The following DNM3 variants were observed in gnomAD, a reference collection of about 807,000 sequenced individuals.
DNM3 encodes the protein dynamin-3.
In DNM3, 47 loss-of-function variants were observed where a neutral mutation model predicts 101.6. The observed-to-expected ratio is 0.46, with a 90% CI of 0.37 to 0.59. The LOEUF is 0.59. Among genes scored for constraint, DNM3 ranks in the 20% least tolerant of loss-of-function variants. DNM3 has a pLI of 0.00. For synonymous variants in DNM3, 385 were observed against 387.9 expected, an observed-to-expected ratio of 0.99 and a Z score of 0.09; for missense variants, 849 against 1,085.7, an observed-to-expected ratio of 0.78 and a Z score of 3.06.
intron 17 of DNM3, among the ~76,000 whole-genome samples, chr1:172,366,904 T>C (rs2068048164): frequency 6.6e-6 from 1 of 151,882 alleles, no homozygotes; most frequent in Non-Finnish European, 1.5e-5. Context: ...ATTCACAGTA[T>C]GAGAATTTCA....
intron 13 of DNM3, among the ~76,000 whole-genome samples, chr1:172,111,139 A>G (rs1448220743): frequency 6.6e-6 from 1 of 152,276 alleles, no homozygotes; most frequent in East Asian, 1.9e-4. Context: ...ATTAACAATT[A>G]GAGCAAACCA....
chr1:172,253,689 A>C lies in DNM3; in HGVS notation c.1769+7A>C, dbSNP rs1402991377. The C allele has an allele frequency of 4.6e-6, 7 of 1,534,164 alleles. No individual in the cohort carries two copies. The East Asian group carries it at 1.4e-4, about 31-fold the overall frequency. On this transcript the variant is annotated splice_region_variant and intron_variant, in intron 15 of 20. Transcript: ENST00000627582. ...TCTTTAATACAGAGCAAAGGTAAGA[A>C]ATTGAAACAGTTCCTGTCTTCAGAT...
chr1:172,234,381 T>G (rs2061455301), intron 14 of DNM3, among the ~76,000 whole-genome samples: 1 of 151,864 alleles, frequency 6.6e-6, no homozygotes, highest in South Asian at 2.1e-4. Flanking sequence ...CTCAACGAAA[T>G]AAAAGAGGAT....
At position 171,921,818 on chromosome 1, in the gene DNM3, G is replaced by A; in HGVS notation, c.232G>A (p.Ala78Thr). 5.0e-6 allele frequency: 8 copies of A among 1,599,164 alleles called. No individual in the cohort carries two copies. Among genetic ancestry groups the A allele is most frequent in the Non-Finnish European group, 6.8e-6 (8 of 1,172,030 alleles). The change falls in exon 2 of 21, where the codon GCA (alanine) becomes ACA (threonine). Residue 78 changes from alanine (A) to threonine (T), a missense_variant. Physicochemically the swap from Ala to Thr is moderately conservative, Grantham distance 58 (BLOSUM62 0). Coordinates refer to ENST00000627582, the MANE Select transcript of DNM3 (RefSeq NM_015569.5). ...TGTGCTGCAGCTTGTTACTTCTAAA[G>A]CAGGTAATGAATGAAGATGTTTACC... ...PLVLQLVTSK[A>T]EYAEFLHCKG... is the part of the protein sequence containing the mutation.
rs1454685719 is a variant in DNM3, at chr1:172,388,791, C to T, written c.2504C>T (p.Ala835Val). The part of the protein sequence containing the change: ...PPQVPSRPTR[A>V]PPSVPSRRPP... The stretch of plus-strand genomic sequence containing the variant: ...CAAGTTCCATCTAGGCCTACGAGGG[C>T]CCCGCCCAGTGTCCCAAGGTAAGGC... The change falls in exon 20 of 21, where the codon GCC (alanine) becomes GTC (valine). Residue 835 changes from alanine to valine, a missense_variant. By Grantham distance (64) the Ala-to-Val change is moderately conservative. Around this residue, in one of 5 missense-constraint regions of DNM3, gnomAD observed 256 missense variants for 311.7 expected, o/e 0.82. Coordinates refer to ENST00000627582, the MANE Select transcript of DNM3 (RefSeq NM_015569.5). 2 of 1,587,836 alleles carry T rather than the reference C, an allele frequency of 1.3e-6. No individual in the cohort carries two copies. Among genetic ancestry groups the T allele is most frequent in the African/African-American group, 2.7e-5 (2 of 74,114 alleles).
chr1:172,145,630 G>T (rs2057851641), intron 14 of DNM3, among the ~76,000 whole-genome samples: 1 of 152,134 alleles, frequency 6.6e-6, no homozygotes, highest in African/African-American at 2.4e-5. Context: ...GTCTCTGAAT[G>T]CTGTGCTATA....
At chr1:171,930,427 T>C (rs1226389886) in intron 2 of DNM3, among the ~76,000 whole-genome samples, 2 of 152,174 alleles carry the variant, frequency 1.3e-5, no homozygotes, top group Non-Finnish European at 2.9e-5. Context: ...TTTGCCATAG[T>C]TGCAGCTGCT....
At chr1:172,295,854 A>G (rs1185718940) in intron 15 of DNM3, among the ~76,000 whole-genome samples, 2 of 152,182 alleles carry the variant, frequency 1.3e-5, no homozygotes, top group Non-Finnish European at 2.9e-5. Context: ...AGTAAAACAA[A>G]TGGAAAAAAA....
At chr1:172,073,359 AT>A (rs1293912897) in intron 11 of DNM3, among the ~76,000 whole-genome samples, 1 of 152,102 alleles carries the variant, frequency 6.6e-6, no homozygotes, top group East Asian at 1.9e-4. Context: ...ATATATGCAT[AT>A]GTGTACATAT....
chr1:172,172,091 C>T (rs150266232), intron 14 of DNM3, among the ~76,000 whole-genome samples: 1 of 151,630 alleles, frequency 6.6e-6, no homozygotes, highest in African/African-American at 2.4e-5. Context: ...GGAAACAACC[C>T]TCTGGGATGT....
chr1:171,911,848 C>G (rs537403915), intron 1 of DNM3, among the ~76,000 whole-genome samples: 1 of 152,100 alleles, frequency 6.6e-6, no homozygotes, highest in African/African-American at 2.4e-5. Context: ...GGTTTGTCTT[C>G]CACAGGTGGA....
chr1:172,243,376 C>T (rs551739964), intron 14 of DNM3, among the ~76,000 whole-genome samples: 5 of 152,158 alleles, frequency 3.3e-5, no homozygotes, highest in South Asian at 2.1e-4. Flanking sequence ...AATACATGGC[C>T]GAAGAATGTC....
At chr1:172,240,564 A>G (rs2061712654) in intron 14 of DNM3, among the ~76,000 whole-genome samples, 1 of 152,216 alleles carries the variant, frequency 6.6e-6, no homozygotes, top group Non-Finnish European at 1.5e-5. Context: ...TATTTAGCCA[A>G]AATAACACTG....
intron 4 of DNM3, among the ~76,000 whole-genome samples, chr1:172,019,940 T>A (rs1465968123): frequency 6.6e-6 from 1 of 152,130 alleles, no homozygotes; most frequent in African/African-American, 2.4e-5. Flanking sequence ...ATTCCCAGTC[T>A]GATAACTCTA....
At chr1:171,897,346 T>C (rs1041817453) in intron 1 of DNM3, among the ~76,000 whole-genome samples, 28 of 152,368 alleles carry the variant, frequency 1.8e-4, no homozygotes, top group Admixed American at 3.3e-4. Context: ...ATTTAAAATT[T>C]ATACTATGTA....
At chr1:171,846,374 T>C (rs927126260) in intron 1 of DNM3, among the ~76,000 whole-genome samples, 2 of 152,164 alleles carry the variant, frequency 1.3e-5, no homozygotes, top group Non-Finnish European at 2.9e-5. Context: ...TTAACAGTTA[T>C]CCAAAAATGC....
chr1:172,271,138 G>T (rs2063068661), intron 15 of DNM3, among the ~76,000 whole-genome samples: 1 of 152,106 alleles, frequency 6.6e-6, no homozygotes, highest in Non-Finnish European at 1.5e-5. Flanking sequence ...TGTGGACTGT[G>T]TGTGGATTAT....
At chr1:172,219,860 G>A (rs950749692) in intron 14 of DNM3, among the ~76,000 whole-genome samples, 3 of 152,072 alleles carry the variant, frequency 2.0e-5, no homozygotes, top group African/African-American at 7.2e-5. Context: ...GGGTGGGAAA[G>A]GTACATTTTA....
intron 15 of DNM3, among the ~76,000 whole-genome samples, chr1:172,281,798 C>T (rs1261740542): frequency 1.3e-5 from 2 of 151,766 alleles, no homozygotes; most frequent in Non-Finnish European, 2.9e-5. Context: ...ATGTTCCTAA[C>T]AAAAAGAGAT....
Sources: gnomAD v4.1 joint callset for allele counts (sites outside exome capture counted in the v4.1 genomes callset) on GRCh38, gnomAD v4.1.1 for gene constraint, gnomAD v4.1.1 regional missense constraint, MANE v1.5 for transcripts, NCBI Gene and HGNC (gene_info 2026-07-23, HGNC 2026-07-21) for gene names.